SLC35F3: variants seen among roughly 807,000 people sequenced by gnomAD.
The protein encoded by SLC35F3 is putative thiamine transporter SLC35F3.
A neutral mutation model predicts 49.9 loss-of-function variants in SLC35F3; 25 were observed. The ratio of observed to expected loss-of-function variants is 0.50; its 90% confidence interval spans 0.37 to 0.70. SLC35F3 has a LOEUF of 0.70. Ranked by LOEUF, SLC35F3 falls within the 30% of genes least tolerant of loss-of-function variation. SLC35F3 has a pLI of 0.00. For missense variants in SLC35F3, 525 were observed against 639.8 expected, an observed-to-expected ratio of 0.82 and a Z score of 1.94; for synonymous variants, 275 against 265.4, an observed-to-expected ratio of 1.04 and a Z score of -0.35.
chr1:234,302,101 G>GTC (rs1668701601), intron 3 of SLC35F3, among the ~76,000 whole-genome samples: 1 of 152,106 alleles, frequency 6.6e-6, no homozygotes, highest in Non-Finnish European at 1.5e-5. Flanking sequence ...AAACCACCAT[G>GTC]GCATGCATGT....
At chr1:234,142,158 G>C (rs4428956) in intron 2 of SLC35F3, among the ~76,000 whole-genome samples, 54,074 of 152,106 alleles carry the variant, frequency 0.36, 14,765 homozygotes, top group East Asian at 0.75. Context: ...TTCTGAGTGC[G>C]TGCAAGGGGC....
At position 234,084,061 on chromosome 1, in the gene SLC35F3, A is replaced by G. The variant is rs374843586; in HGVS notation, c.284-147356A>G. ...TCCATGTTGGTCAGGCTGGTCTTGA[A>G]CTCCCAACCTCAGGTGATCTGCCTG... is the stretch of plus-strand genomic sequence containing the variant. On this transcript the variant is annotated intron_variant, in intron 2 of 7. Coordinates refer to ENST00000366618, the MANE Select transcript of SLC35F3 (RefSeq NM_173508.4). Among the ~76,000 whole-genome samples, 388 of 150,694 alleles carry G rather than the reference A, an allele frequency of 2.6e-3. 2 individuals are homozygous for G. Among genetic ancestry groups the G allele is most frequent in the African/African-American group, 9.0e-3 (371 of 41,002 alleles).
In SLC35F3 at chr1:234,137,820, T is replaced by C. The variant is rs546553700; in HGVS notation, c.284-93597T>C. On this transcript the variant is annotated intron_variant, in intron 2 of 7. Transcript: ENST00000366618. ...CACTGAAGACAGCAGCAGGAGCTGG[T>C]GGGCATGAATTTAAGTATTTAGGTG... Among the ~76,000 whole-genome samples, 13 of 152,178 alleles carry C rather than the reference T, an allele frequency of 8.5e-5. No individual in the cohort carries two copies. In the East Asian group the frequency reaches 2.3e-3, roughly 27 times the overall value.
chr1:234,271,643 G>A (rs978427162), intron 3 of SLC35F3, among the ~76,000 whole-genome samples: 6 of 152,116 alleles, frequency 3.9e-5, no homozygotes, highest in African/African-American at 9.7e-5. Context: ...TACATTTGCC[G>A]AAAGCAAGAA....
intron 7 of SLC35F3, among the ~76,000 whole-genome samples, chr1:234,321,167 C>T (rs1430629105): frequency 1.3e-5 from 2 of 152,240 alleles, no homozygotes; most frequent in Middle Eastern, 3.4e-3. Flanking sequence ...ATTCCAAAGG[C>T]GCTCGACCTC....
At chr1:234,026,440 A>G (rs1452559144) in intron 2 of SLC35F3, among the ~76,000 whole-genome samples, 1 of 152,196 alleles carries the variant, frequency 6.6e-6, no homozygotes, top group East Asian at 1.9e-4. Context: ...GCATTTCCTA[A>G]CTTCAGAAGC....
intron 4 of SLC35F3, among the ~76,000 whole-genome samples, chr1:234,313,542 C>T (rs778350516): frequency 8.5e-5 from 13 of 152,184 alleles, no homozygotes; most frequent in Admixed American, 3.3e-4. Flanking sequence ...TTACCCATCT[C>T]GGTCTTGGGC....
chr1:233,944,087 G>A (rs1037988015), intron 2 of SLC35F3, among the ~76,000 whole-genome samples: 2 of 152,120 alleles, frequency 1.3e-5, no homozygotes, highest in Admixed American at 6.5e-5. Flanking sequence ...CCAAAAGCTA[G>A]AAAGATCTCA....
At position 234,206,249 on chromosome 1, in the gene SLC35F3, G is replaced by C. The variant is rs561922613; in HGVS notation, c.284-25168G>C. On this transcript the variant is annotated intron_variant, in intron 2 of 7. Coordinates refer to ENST00000366618, the MANE Select transcript of SLC35F3 (RefSeq NM_173508.4). ...TGGAGCAGCAGAGCTGGGTCAGGCT[G>C]GGTCAGGCATTAAGAGGGCCTGGTT... Among the ~76,000 whole-genome samples the C allele has an allele frequency of 7.2e-5, 11 of 152,194 alleles. No homozygotes were observed. In the South Asian group the frequency reaches 1.7e-3, roughly 23 times the overall value.
intron 2 of SLC35F3, among the ~76,000 whole-genome samples, chr1:234,181,994 C>T (rs1353820751): frequency 6.6e-6 from 1 of 152,202 alleles, no homozygotes; most frequent in African/African-American, 2.4e-5. Context: ...GAAGCTTCCT[C>T]TCATCAATGA....
intron 2 of SLC35F3, among the ~76,000 whole-genome samples, chr1:234,050,425 A>G (rs1408178536): frequency 6.6e-6 from 1 of 152,206 alleles, no homozygotes; most frequent in Non-Finnish European, 1.5e-5. Context: ...TGTTGGCTGC[A>G]TAAATGTCTT....
At chr1:234,203,025 C>G (rs668507) in intron 2 of SLC35F3, among the ~76,000 whole-genome samples, 77,912 of 152,104 alleles carry the variant, frequency 0.51, 21,187 homozygotes, top group Non-Finnish European at 0.61. Flanking sequence ...GGAATGGTTG[C>G]AGAAAACCAA....
At chr1:234,122,924 A>AAT (rs942179892) in intron 2 of SLC35F3, among the ~76,000 whole-genome samples, 3 of 152,208 alleles carry the variant, frequency 2.0e-5, no homozygotes, top group Non-Finnish European at 2.9e-5. Context: ...TGCTGCAATA[A>AAT]ATATATATAT....
chr1:234,306,804 C>T lies in SLC35F3; in HGVS notation c.609-2297C>T, dbSNP rs1365338762. Reference sequence around the variant, plus strand: ...TACAATGATCAGGCTTTGGAGGAGTCAAATATGGATTTTCAAAGAGGAAGT... The same window carrying T: ...TACAATGATCAGGCTTTGGAGGAGTTAAATATGGATTTTCAAAGAGGAAGT... On this transcript the variant is annotated intron_variant, in intron 3 of 7. Coordinates refer to ENST00000366618, the MANE Select transcript of SLC35F3 (RefSeq NM_173508.4). Among the ~76,000 whole-genome samples, 3 of 152,162 alleles carry T rather than the reference C, an allele frequency of 2.0e-5. No individual in the cohort carries two copies. In the East Asian group the frequency reaches 5.8e-4, roughly 29 times the overall value.
chr1:233,919,422 A>G (rs1461096834), intron 2 of SLC35F3, among the ~76,000 whole-genome samples: 2 of 152,134 alleles, frequency 1.3e-5, no homozygotes, highest in Non-Finnish European at 2.9e-5. Context: ...ACCAATAAAC[A>G]TGCTTGTCTC....
chr1:234,155,974 G>A (rs1274893039), intron 2 of SLC35F3, among the ~76,000 whole-genome samples: 1 of 152,032 alleles, frequency 6.6e-6, no homozygotes, highest in Admixed American at 6.5e-5. Flanking sequence ...CTAAAAACTT[G>A]AACTTCTATT....
At chr1:234,132,708 A>T (rs1380601841) in intron 2 of SLC35F3, among the ~76,000 whole-genome samples, 1 of 152,160 alleles carries the variant, frequency 6.6e-6, no homozygotes, top group African/African-American at 2.4e-5. Flanking sequence ...TTATTGTTGA[A>T]ATGTTAGATC....
chr1:234,008,465 T>C (rs1380247448), intron 2 of SLC35F3, among the ~76,000 whole-genome samples: 1 of 152,150 alleles, frequency 6.6e-6, no homozygotes, highest in East Asian at 1.9e-4. Flanking sequence ...CATTCTTTCA[T>C]CCTTTTCTCT....
chr1:234,185,795 GC>G (rs1666634953), intron 2 of SLC35F3, among the ~76,000 whole-genome samples: 1 of 152,230 alleles, frequency 6.6e-6, no homozygotes, highest in Non-Finnish European at 1.5e-5. Context: ...CCGCTGAATT[GC>G]AGGTCTGTGC....
Sources: gnomAD v4.1 joint callset for allele counts (sites outside exome capture counted in the v4.1 genomes callset) on GRCh38, gnomAD v4.1.1 for gene constraint, MANE v1.5 for transcripts, NCBI Gene and HGNC (gene_info 2026-07-23, HGNC 2026-07-21) for gene names.